PPP2R5A: variants seen among roughly 807,000 people sequenced by gnomAD.
PPP2R5A encodes the protein protein phosphatase 2 regulatory subunit B'alpha, also known as serine/threonine-protein phosphatase 2A 56 kDa regulatory subunit alpha isoform.
Under a neutral mutation model 64.2 loss-of-function variants are expected in PPP2R5A, and 25 were observed. The observed-to-expected ratio is 0.39, with a 90% CI of 0.28 to 0.54. PPP2R5A has a LOEUF of 0.54. PPP2R5A is among the 20% of genes least tolerant of loss of function. PPP2R5A has a pLI of 0.67. For missense variants in PPP2R5A, 425 were observed against 576.3 expected, an observed-to-expected ratio of 0.74 and a Z score of 2.69; for synonymous variants, 198 against 201.2, an observed-to-expected ratio of 0.98 and a Z score of 0.13.
chr1:212,308,670 A>G (rs1658966998), intron 1 of PPP2R5A, among the ~76,000 whole-genome samples: 1 of 151,910 alleles, frequency 6.6e-6, no homozygotes, highest in South Asian at 2.1e-4. Context: ...CGGCCTCCCA[A>G]AGTGCTGGGA....
chr1:212,330,444 GA>G (rs1659483084), intron 2 of PPP2R5A, among the ~76,000 whole-genome samples: 1 of 152,030 alleles, frequency 6.6e-6, no homozygotes, highest in African/African-American at 2.4e-5. Flanking sequence ...AGCTACTCAG[GA>G]GGCTGAGGTG....
intron 6 of PPP2R5A, 136 bp downstream of exon 6, chr1:212,347,542 C>A: frequency 2.1e-6 from 1 of 479,238 alleles, no homozygotes; most frequent in Non-Finnish European, 3.5e-6. Flanking sequence ...CAACTGAAGT[C>A]TTTTTTTTTT....
chr1:212,343,406 A>G (rs1212940737), intron 4 of PPP2R5A, among the ~76,000 whole-genome samples: 1 of 152,144 alleles, frequency 6.6e-6, no homozygotes, highest in African/African-American at 2.4e-5. Context: ...GACCTTTCCT[A>G]CCCTTCAGAC....
chr1:212,312,416 G>C (rs1364301977), intron 1 of PPP2R5A, among the ~76,000 whole-genome samples: 2 of 151,932 alleles, frequency 1.3e-5, no homozygotes, highest in Non-Finnish European at 2.9e-5. Flanking sequence ...TTTTTTTGCT[G>C]TTTGCCCTTA....
intron 1 of PPP2R5A, among the ~76,000 whole-genome samples, chr1:212,288,505 A>G (rs1449596515): frequency 6.6e-6 from 1 of 152,232 alleles, no homozygotes; most frequent in African/African-American, 2.4e-5. Flanking sequence ...AAGGAAAATT[A>G]TGTATTCAGG....
intron 8 of PPP2R5A, among the ~76,000 whole-genome samples, chr1:212,352,038 GAGAC>G (rs1659893571): frequency 7.0e-6 from 1 of 142,228 alleles, no homozygotes; most frequent in Admixed American, 7.1e-5. Context: ...TTATTTTTTT[GAGAC>G]AGAGACTCAC....
intron 5 of PPP2R5A, 105 bp downstream of exon 5, chr1:212,346,038 G>A (rs560277582): frequency 8.6e-7 from 1 of 1,158,726 alleles, no homozygotes; most frequent in East Asian, 2.9e-5. Context: ...GTCTCACTCT[G>A]TCATCCAGGC....
Position 212,287,923 on chromosome 1 carries a change from T to C in PPP2R5A, c.181+1632T>C, listed in dbSNP as rs535468044. 9.2e-4 allele frequency among the ~76,000 whole-genome samples: 140 copies of C among 152,314 alleles called. 2 individuals are homozygous for C. Among genetic ancestry groups the C allele is most frequent in the African/African-American group, 3.2e-3 (135 of 41,572 alleles). On this transcript the variant is annotated intron_variant, in intron 1 of 12. Transcript: ENST00000261461. ...GTAAGATATTCTAGTTTCTTAGTAT[T>C]GTACTTCTTAATAGTATACTTTAAT...
chr1:212,346,484 C>T (rs1174452284), intron 5 of PPP2R5A, among the ~76,000 whole-genome samples: 1 of 151,934 alleles, frequency 6.6e-6, no homozygotes, highest in African/African-American at 2.4e-5. Flanking sequence ...ACACATCCTC[C>T]TGTATACTTT....
chr1:212,291,158 G>C (rs1658595824), intron 1 of PPP2R5A, among the ~76,000 whole-genome samples: 2 of 151,554 alleles, frequency 1.3e-5, no homozygotes, highest in African/African-American at 4.8e-5. Context: ...CCCCAGGCTA[G>C]AGTGCAGTGG....
rs1158938884 is a variant in PPP2R5A, at chr1:212,286,008, G to A, written c.-103G>A. On this transcript the variant is annotated 5_prime_UTR_variant, in exon 1 of 13. Coordinates refer to ENST00000261461, the MANE Select transcript of PPP2R5A (RefSeq NM_006243.4). Reference sequence around the variant, plus strand: ...AGGGCCGTGGGGCCGGGGCGCAGGGGCGCGAGCACCCCGCGCCTCTCCCCC... The same window carrying A: ...AGGGCCGTGGGGCCGGGGCGCAGGGACGCGAGCACCCCGCGCCTCTCCCCC... The A allele has an allele frequency of 4.0e-6, 5 of 1,237,194 alleles. No individual in the cohort carries two copies. Among genetic ancestry groups the A allele is most frequent in the African/African-American group, 1.6e-5 (1 of 62,588 alleles). 76.6% of individuals were successfully genotyped at this position (1,237,194 alleles called of 1,614,324 possible).
chr1:212,334,378 T>A (rs1453914353), intron 3 of PPP2R5A, among the ~76,000 whole-genome samples: 2 of 152,218 alleles, frequency 1.3e-5, no homozygotes, highest in African/African-American at 4.8e-5. Context: ...CACTGCAACT[T>A]CTGCCTCCTG....
intron 1 of PPP2R5A, among the ~76,000 whole-genome samples, chr1:212,287,545 A>G (rs1204793786): frequency 1.3e-5 from 2 of 152,198 alleles, no homozygotes; most frequent in African/African-American, 4.8e-5. Context: ...GTGCTTCTAA[A>G]TCATGACATC....
intron 3 of PPP2R5A, among the ~76,000 whole-genome samples, chr1:212,338,118 T>G (rs1659621611): frequency 6.6e-6 from 1 of 152,184 alleles, no homozygotes; most frequent in African/African-American, 2.4e-5. Context: ...TAGGTCTTAT[T>G]TTTCAGATAC....
chr1:212,338,562 A>ATCATG, intron 3 of PPP2R5A, among the ~76,000 whole-genome samples: 1 of 152,042 alleles, frequency 6.6e-6, no homozygotes, highest in South Asian at 2.1e-4. Flanking sequence ...ATGAGGTCAG[A>ATCATG]AGGATCATGA....
At position 212,341,809 on chromosome 1, in the gene PPP2R5A, G is replaced by T. The variant is rs535054395; in HGVS notation, c.481-379G>T. Among the ~76,000 whole-genome samples the T allele has an allele frequency of 1.4e-4, 21 of 152,094 alleles. No homozygotes were observed. The South Asian group carries it at 4.0e-3, about 29-fold the overall frequency. On this transcript the variant is annotated intron_variant, in intron 3 of 12. Coordinates refer to ENST00000261461, the MANE Select transcript of PPP2R5A (RefSeq NM_006243.4). Reference sequence around the variant, plus strand: ...GAGTGCAGTGGTACGGCACAGTCACGGCTAACTGCAGCCTTGACCTCCAGA... The same window carrying T: ...GAGTGCAGTGGTACGGCACAGTCACTGCTAACTGCAGCCTTGACCTCCAGA...
chr1:212,329,200 G>T lies in PPP2R5A; in HGVS notation c.247G>T (p.Asp83Tyr). ...QKLQQCCILF[D>Y]FMDSVSDLKS... ...GTTGCAGCAGTGTTGTATACTGTTT[G>T]ATTTCATGGACTCTGTTTCAGACTT... Residue 83 changes from aspartate to tyrosine, a missense_variant, in exon 2 of 13, where the codon GAT becomes TAT. By Grantham distance (160) the Asp-to-Tyr change is radical. Coordinates refer to ENST00000261461, the MANE Select transcript of PPP2R5A (RefSeq NM_006243.4). The T allele has an allele frequency of 6.2e-7, 1 of 1,613,128 alleles. No homozygotes were observed. Among genetic ancestry groups the T allele is most frequent in the Non-Finnish European group, 8.5e-7 (1 of 1,179,604 alleles).
chr1:212,342,109 G>A lies in PPP2R5A; in HGVS notation c.481-79G>A, dbSNP rs1659695820. On this transcript the variant is annotated intron_variant, in intron 3 of 12. Transcript: ENST00000261461. ...CCCCACTAAGTTGGTAAGAAAAGGT[G>A]TGTTTTTAATATGAAGTGATTATTT... The A allele has an allele frequency of 1.1e-5, 17 of 1,513,760 alleles. 1 individual carries two copies. The South Asian group carries it at 1.2e-4, about 11-fold the overall frequency. 93.8% of individuals were successfully genotyped at this position (1,513,760 alleles called of 1,614,324 possible).
intron 1 of PPP2R5A, among the ~76,000 whole-genome samples, chr1:212,306,359 G>A (rs1040537165): frequency 1.1e-5 from 1 of 89,432 alleles, no homozygotes; most frequent in East Asian, 2.4e-4. Context: ...GAAGAATGGA[G>A]GGGGGGTAAC....
Sources: gnomAD v4.1 joint callset for allele counts (sites outside exome capture counted in the v4.1 genomes callset) on GRCh38, gnomAD v4.1.1 for gene constraint, MANE v1.5 for transcripts, NCBI Gene and HGNC (gene_info 2026-07-23, HGNC 2026-07-21) for gene names.